Variants in CIAPIN1 observed in about 807,000 individuals in gnomAD.
CIAPIN1 encodes the protein cytokine induced apoptosis inhibitor 1, also known as anamorsin.
Under a neutral mutation model 34.3 loss-of-function variants are expected in CIAPIN1, and 18 were observed. That is an observed-to-expected ratio of 0.52 (90% CI 0.36 to 0.78). The LOEUF (loss-of-function observed/expected upper bound fraction) is 0.78, where lower values mean the gene tolerates loss of function less well. Ranked by LOEUF, CIAPIN1 falls within the 30% of genes least tolerant of loss-of-function variation. CIAPIN1 has a pLI of 0.00. For synonymous variants in CIAPIN1, 131 were observed against 140.4 expected (o/e 0.93, Z 0.47); for missense variants, 310 against 372.5 (o/e 0.83, Z 1.38).
At chr16:57,442,327 A>G (rs1171778535) in intron 1 of CIAPIN1, among the ~76,000 whole-genome samples, 1 of 152,070 alleles carries the variant, frequency 6.6e-6, no homozygotes, top group Non-Finnish European at 1.5e-5. Context: ...GCCTGGTGAC[A>G]GAGCGAGACT....
rs1388696318 is a variant in CIAPIN1, at chr16:57,433,962, C to T, written c.556+82G>A. On this transcript the variant is annotated intron_variant, in intron 5 of 8. Transcript: ENST00000394391. The stretch of plus-strand genomic sequence containing the variant: ...AGGACTAATCCTCTAAAAATATCAC[C>T]ATCTCATTTATTGCTGGCTCAATTT... 1.0e-5 allele frequency: 12 copies of T among 1,203,616 alleles called. No individual in the cohort carries two copies. In the Admixed American group the frequency reaches 2.0e-4, roughly 21 times the overall value. 74.6% of individuals were successfully genotyped at this position (1,203,616 alleles called of 1,614,324 possible). A position where few individuals can be genotyped will look rare whatever the true frequency, so the allele number is the denominator to read the frequency against.
intron 4 of CIAPIN1, among the ~76,000 whole-genome samples, chr16:57,435,229 T>C (rs1178739340): frequency 3.9e-5 from 6 of 152,196 alleles, no homozygotes; most frequent in African/African-American, 1.4e-4. Flanking sequence ...TTTTGCCATG[T>C]GATGTGCCTG....
chr16:57,440,606 G>A (rs1321510611), intron 2 of CIAPIN1, among the ~76,000 whole-genome samples, 166 bp downstream of exon 2: 1 of 152,080 alleles, frequency 6.6e-6, no homozygotes, highest in African/African-American at 2.4e-5. Context: ...TTGAATTATT[G>A]GGGGTGGTTC....
At chr16:57,429,775 A>G (rs1030430957) in intron 8 of CIAPIN1, among the ~76,000 whole-genome samples, 30 of 138,334 alleles carry the variant, frequency 2.2e-4, no homozygotes, top group Non-Finnish European at 2.9e-4. Context: ...TACAGGCGTG[A>G]GCCACCGCAC....
In CIAPIN1 at chr16:57,436,776, T is replaced by C. The variant is rs754741763; in HGVS notation, c.311-44A>G. ...CAATTAATAGCTTTATAGTTCAAAG[T>C]AGGAAAAATAATAAAGGCTCAATCC... On this transcript the variant is annotated intron_variant, in intron 3 of 8. Coordinates refer to ENST00000394391, the MANE Select transcript of CIAPIN1 (RefSeq NM_020313.4). The C allele has an allele frequency of 4.6e-6, 7 of 1,531,916 alleles. No homozygotes were observed. In the South Asian group the frequency reaches 7.9e-5, roughly 17 times the overall value. The allele number at this position is 1,531,916 out of a possible 1,614,324, so 94.9% of individuals were successfully genotyped here. A position where few individuals can be genotyped will look rare whatever the true frequency, so the allele number is the denominator to read the frequency against.
chr16:57,438,499 G>C (rs1272734119), intron 3 of CIAPIN1, among the ~76,000 whole-genome samples: 1 of 152,168 alleles, frequency 6.6e-6, no homozygotes, highest in Non-Finnish European at 1.5e-5. Context: ...CCCAATTATA[G>C]CATGATATGA....
chr16:57,431,086 C>T (rs1418779161), intron 7 of CIAPIN1, 65 bp downstream of exon 7: 8 of 915,264 alleles, frequency 8.7e-6, no homozygotes, highest in Admixed American at 1.8e-5. Context: ...AGTACAGCAC[C>T]GCGATGTCTT....
chr16:57,440,380 T>C (rs1422380294), intron 2 of CIAPIN1, among the ~76,000 whole-genome samples: 1 of 152,204 alleles, frequency 6.6e-6, no homozygotes, highest in Non-Finnish European at 1.5e-5. Context: ...TTGTGAAGCA[T>C]GTGATCTCTG....
At chr16:57,431,735 T>A (rs1278496747) in intron 6 of CIAPIN1, among the ~76,000 whole-genome samples, 2 of 152,226 alleles carry the variant, frequency 1.3e-5, no homozygotes, top group East Asian at 3.8e-4. Flanking sequence ...ACACTTAGTC[T>A]GTAAACCCTA....
At chr16:57,437,496 A>G (rs1377927710) in intron 3 of CIAPIN1, among the ~76,000 whole-genome samples, 1 of 151,078 alleles carries the variant, frequency 6.6e-6, no homozygotes, top group Non-Finnish European at 1.5e-5. Context: ...TTGTATATAT[A>G]TTTTAGTGAT....
At chr16:57,430,711 A>G in intron 7 of CIAPIN1, 1 of 265,472 alleles carries the variant, frequency 3.8e-6, no homozygotes, top group South Asian at 7.2e-5. Context: ...TACATTTAAA[A>G]AACACTGATG....
At position 57,438,822 on chromosome 16, in the gene CIAPIN1, C is replaced by CT. The variant is rs558967489; in HGVS notation, c.310+359dup. On this transcript the variant is annotated intron_variant, in intron 3 of 8. Coordinates refer to ENST00000394391, the MANE Select transcript of CIAPIN1 (RefSeq NM_020313.4). ...ACAGTACAGAGCCTTTTGAGATTGG[C>CT]TTTTTTCACTCAGCTACTTCCCTTG... is the stretch of plus-strand genomic sequence containing the variant. Among the ~76,000 whole-genome samples the CT allele has an allele frequency of 1.1e-4, 16 of 152,294 alleles. No homozygotes were observed. The South Asian group carries it at 2.3e-3, about 22-fold the overall frequency.
In CIAPIN1 at chr16:57,433,554, C is replaced by T. The variant is rs888467729; in HGVS notation, c.556+490G>A. 8.1e-5 allele frequency: 15 copies of T among 184,440 alleles called. No homozygotes were observed. In the East Asian group the frequency reaches 9.0e-4, roughly 11 times the overall value. 11.4% of individuals were successfully genotyped at this position (184,440 alleles called of 1,614,324 possible). On this transcript the variant is annotated intron_variant, in intron 5 of 8. Coordinates refer to ENST00000394391, the MANE Select transcript of CIAPIN1 (RefSeq NM_020313.4). ...GTGTGTGTGTGTGTGCGTGCGCGTGCGTGCACGCGTGTGCTTGTACACAAT... is the reference window on the plus strand; with the variant it reads ...GTGTGTGTGTGTGTGCGTGCGCGTGTGTGCACGCGTGTGCTTGTACACAAT...
intron 5 of CIAPIN1, among the ~76,000 whole-genome samples, chr16:57,433,421 A>G (rs150608689): frequency 1.3e-5 from 2 of 152,344 alleles, no homozygotes; most frequent in East Asian, 1.9e-4. Context: ...TCAAAACCGT[A>G]CAAGTGGGAA....
chr16:57,446,427 G>T lies in CIAPIN1; in HGVS notation c.-56+915C>A, dbSNP rs1161579007. 2.0e-5 allele frequency among the ~76,000 whole-genome samples: 3 copies of T among 152,210 alleles called. No individual in the cohort carries two copies. The East Asian group carries it at 5.8e-4, about 29-fold the overall frequency. Reference sequence around the variant, plus strand: ...GGAGCCGGATATTCTGAAAAGACTAGATTTGACAAGGGGTGTGCAAAGCAC... The same window carrying T: ...GGAGCCGGATATTCTGAAAAGACTATATTTGACAAGGGGTGTGCAAAGCAC... On this transcript the variant is annotated intron_variant, in intron 1 of 8. Transcript: ENST00000394391.
chr16:57,445,622 G>A (rs2030021028), intron 1 of CIAPIN1, among the ~76,000 whole-genome samples: 1 of 152,200 alleles, frequency 6.6e-6, no homozygotes, highest in African/African-American at 2.4e-5. Flanking sequence ...TAACCAGCCT[G>A]CTGTGCAATC....
At chr16:57,429,816 T>G (rs1903045989) in intron 8 of CIAPIN1, among the ~76,000 whole-genome samples, 1 of 149,730 alleles carries the variant, frequency 6.7e-6, no homozygotes, top group South Asian at 2.1e-4. Flanking sequence ...AGATGGAGTC[T>G]CCCTCTGTCA....
chr16:57,437,429 G>C (rs939262401), intron 3 of CIAPIN1, among the ~76,000 whole-genome samples: 2 of 152,038 alleles, frequency 1.3e-5, no homozygotes, highest in African/African-American at 2.4e-5. Flanking sequence ...TGAATTACAT[G>C]CATTTTCATC....
At chr16:57,433,197 A>T (rs1400340241) in intron 5 of CIAPIN1, among the ~76,000 whole-genome samples, 2 of 152,184 alleles carry the variant, frequency 1.3e-5, no homozygotes, top group South Asian at 4.1e-4. Context: ...TAGTCAGGAG[A>T]ATGCAAGGAA....
Sources: gnomAD v4.1 joint callset for allele counts (sites outside exome capture counted in the v4.1 genomes callset) on GRCh38, gnomAD v4.1.1 for gene constraint, MANE v1.5 for transcripts, NCBI Gene and HGNC (gene_info 2026-07-23, HGNC 2026-07-21) for gene names.